OCA2: variants seen among roughly 807,000 people sequenced by gnomAD.
The protein encoded by OCA2 is P protein.
Under a neutral mutation model 100.2 loss-of-function variants are expected in OCA2, and 77 were observed. The observed-to-expected ratio is 0.77, with a 90% confidence interval of 0.64 to 0.93. The LOEUF (loss-of-function observed/expected upper bound fraction) is 0.93. OCA2 is among the 40% of genes least tolerant of loss of function. OCA2 has a pLI of 0.00. For synonymous variants in OCA2, 432 were observed against 439.2 expected (o/e 0.98, Z 0.21); for missense variants, 1,062 against 1,089.1 (o/e 0.98, Z 0.35).
At chr15:27,944,810 C>T (rs1260802930) in intron 18 of OCA2, among the ~76,000 whole-genome samples, 2 of 152,190 alleles carry the variant, frequency 1.3e-5, no homozygotes, top group Non-Finnish European at 2.9e-5. Context: ...AGTAATAATA[C>T]AACTCCCGTC....
intron 2 of OCA2, among the ~76,000 whole-genome samples, chr15:28,068,016 G>A (rs2044078835): frequency 1.3e-5 from 2 of 152,172 alleles, no homozygotes; most frequent in African/African-American, 2.4e-5. Context: ...GTGCTACACG[G>A]TTGGGTGCAC....
chr15:27,861,921 G>T (rs1186566546), intron 21 of OCA2, among the ~76,000 whole-genome samples: 62 of 152,166 alleles, frequency 4.1e-4, no homozygotes, highest in Non-Finnish European at 7.3e-5. Flanking sequence ...CTGGGTGAAG[G>T]CACCGGTCTT....
the OCA2 span, among the ~76,000 whole-genome samples, chr15:27,719,174 G>A: frequency 1.3e-5 from 2 of 152,196 alleles, no homozygotes; most frequent in African/African-American, 4.8e-5. Context: ...CTGAGTTCAA[G>A]TCTGAGATCT....
chr15:28,088,404 C>T (rs1193976744), intron 1 of OCA2, among the ~76,000 whole-genome samples: 1 of 152,144 alleles, frequency 6.6e-6, no homozygotes, highest in Non-Finnish European at 1.5e-5. Flanking sequence ...AAAATGATGG[C>T]ATCAGTAGAC....
intron 23 of OCA2, among the ~76,000 whole-genome samples, chr15:27,815,748 CTTTA>C (rs1344403792): frequency 6.6e-6 from 1 of 152,224 alleles, no homozygotes; most frequent in Non-Finnish European, 1.5e-5. Context: ...TGCCTTCAGG[CTTTA>C]TTGTTAGGTC....
At chr15:27,872,607 C>G (rs936556496) in intron 19 of OCA2, among the ~76,000 whole-genome samples, 1 of 152,186 alleles carries the variant, frequency 6.6e-6, no homozygotes, top group African/African-American at 2.4e-5. Flanking sequence ...TGGGTGTGGC[C>G]TTTTCACTGT....
intron 19 of OCA2, chr15:27,896,111 T>C (rs1380205092): frequency 2.7e-6 from 3 of 1,098,062 alleles, no homozygotes; most frequent in Non-Finnish European, 4.1e-6. Flanking sequence ...GTCAGCCAAG[T>C]GCCTTTACCT....
chr15:28,029,483 C>A (rs2042851766), intron 3 of OCA2, among the ~76,000 whole-genome samples: 1 of 152,170 alleles, frequency 6.6e-6, no homozygotes, highest in Admixed American at 6.5e-5. Flanking sequence ...CAGTGCTGTG[C>A]AATAGAACTT....
intron 19 of OCA2, among the ~76,000 whole-genome samples, chr15:27,878,043 C>T (rs552578059): frequency 3.3e-5 from 5 of 150,764 alleles, no homozygotes; most frequent in African/African-American, 9.7e-5. Flanking sequence ...GTACTTACTC[C>T]GTGAATTAAA....
chr15:27,930,266 CA>C (rs2039199806), intron 18 of OCA2, among the ~76,000 whole-genome samples: 1 of 152,016 alleles, frequency 6.6e-6, no homozygotes, highest in South Asian at 2.1e-4. Flanking sequence ...AATGTGTGTA[CA>C]AAAAGATGGT....
rs749087766 is a variant in OCA2, at chr15:27,926,143, A to G, written c.2063T>C (p.Leu688Pro). 6.2e-7 allele frequency: 1 copy of G among 1,614,048 alleles called. No individual in the cohort carries two copies. Among genetic ancestry groups the G allele is most frequent in the African/African-American group, 1.3e-5 (1 of 74,944 alleles). ...EWATLLFFAA[L>P]FVLMEALAHL... ...AAATCTTACCTCCATCAGAACAAAG[A>G]GCGCTGCAAAAAACAGAAGGGTTGC... The change falls in exon 19 of 24, where the codon CTC becomes CCC. Residue 688 changes from leucine to proline, a missense_variant. Physicochemically the swap from Leu to Pro is moderately conservative, Grantham distance 98. Coordinates refer to ENST00000354638, the MANE Select transcript of OCA2 (RefSeq NM_000275.3).
intron 19 of OCA2, among the ~76,000 whole-genome samples, chr15:27,922,594 T>C (rs374773461): frequency 7.9e-5 from 12 of 152,340 alleles, no homozygotes; most frequent in African/African-American, 2.9e-4. Context: ...TAGATTTGTG[T>C]ATATTTTATA....
At chr15:28,091,297 G>C (rs2044866231) in intron 1 of OCA2, among the ~76,000 whole-genome samples, 1 of 152,044 alleles carries the variant, frequency 6.6e-6, no homozygotes, top group African/African-American at 2.4e-5. Context: ...TAGAAAATGA[G>C]GTATACCTCA....
At chr15:27,890,247 C>T (rs1011883226) in intron 19 of OCA2, among the ~76,000 whole-genome samples, 6 of 151,900 alleles carry the variant, frequency 3.9e-5, no homozygotes, top group African/African-American at 1.5e-4. Flanking sequence ...CACTGGAGTA[C>T]TAGAAGGATA....
intron 17 of OCA2, among the ~76,000 whole-genome samples, chr15:27,953,994 G>A (rs2040126400): frequency 6.6e-6 from 1 of 151,974 alleles, no homozygotes; most frequent in Non-Finnish European, 1.5e-5. Flanking sequence ...CCACTTATAA[G>A]TGAGAACATA....
intron 20 of OCA2, among the ~76,000 whole-genome samples, chr15:27,871,549 C>T (rs564975612): frequency 6.6e-6 from 1 of 152,340 alleles, no homozygotes; most frequent in African/African-American, 2.4e-5. Flanking sequence ...GTCACATTGA[C>T]CTGATGGCCC....
chr15:27,867,753 A>G (rs2036381903), intron 21 of OCA2, among the ~76,000 whole-genome samples: 1 of 152,248 alleles, frequency 6.6e-6, no homozygotes, highest in Non-Finnish European at 1.5e-5. Context: ...ACACAACGAC[A>G]TGCTTATGTA....
intron 2 of OCA2, among the ~76,000 whole-genome samples, chr15:28,069,462 G>C (rs2044149641): frequency 8.9e-6 from 1 of 112,330 alleles, no homozygotes; most frequent in Non-Finnish European, 1.7e-5. Flanking sequence ...TCTCATGCGG[G>C]GCCGAAGCTG....
intron 23 of OCA2, among the ~76,000 whole-genome samples, chr15:27,755,876 G>C (rs554578969): frequency 1.3e-5 from 2 of 152,254 alleles, no homozygotes; most frequent in East Asian, 1.9e-4. Context: ...CTTCCAGCAG[G>C]CTCCTGAAGT....
Sources: allele counts gnomAD v4.1 joint callset (sites outside exome capture counted in the v4.1 genomes callset), GRCh38; gene constraint gnomAD v4.1.1; transcripts MANE v1.5; gene names NCBI Gene and HGNC (gene_info 2026-07-23, HGNC 2026-07-21).